RAPGEF2: variants seen among roughly 807,000 people sequenced by gnomAD.
RAPGEF2 encodes the protein Rap guanine nucleotide exchange factor 2, also known as PDZ domain containing guanine nucleotide exchange factor (GEF) 1.
In RAPGEF2, 54 loss-of-function variants were observed where a neutral mutation model predicts 186.7. The ratio of observed to expected loss-of-function variants is 0.29; its 90% CI spans 0.23 to 0.36. The LOEUF is 0.36. Ranked by LOEUF, RAPGEF2 falls within the 10% of genes least tolerant of loss-of-function variation. The pLI is 1.00. For missense variants in RAPGEF2, 1,532 were observed against 2,045.0 expected (o/e 0.75, Z 4.84); for synonymous variants, 712 against 705.9 (o/e 1.01, Z -0.14).
At chr4:159,271,296 G>T (rs767033472) in intron 7 of RAPGEF2, among the ~76,000 whole-genome samples, 2 of 152,032 alleles carry the variant, frequency 1.3e-5, no homozygotes, top group Non-Finnish European at 2.9e-5. Flanking sequence ...CTGATAACAT[G>T]GTTTTAAATT....
Position 159,238,579 on chromosome 4 carries a change from G to T in RAPGEF2, c.282-230G>T, listed in dbSNP as rs1232364363. On this transcript the variant is annotated intron_variant, in intron 4 of 29. Coordinates refer to ENST00000691494, the MANE Select transcript of RAPGEF2 (RefSeq NM_001394067.2). ...TCTCCTTTACTTACATTATTAATTT[G>T]AAAATATTATGTTAGAATTTTCCAG... is the stretch of plus-strand genomic sequence containing the variant. 2.0e-5 allele frequency among the ~76,000 whole-genome samples: 3 copies of T among 152,176 alleles called. No homozygotes were observed. The East Asian group carries it at 5.8e-4, about 29-fold the overall frequency.
intron 1 of RAPGEF2, among the ~76,000 whole-genome samples, chr4:159,154,497 C>A: frequency 7.0e-6 from 1 of 142,726 alleles, no homozygotes; most frequent in East Asian, 2.0e-4. Flanking sequence ...TCCTTCCACT[C>A]ACATCACCTT....
chr4:159,209,753 T>C (rs908960708), intron 3 of RAPGEF2, among the ~76,000 whole-genome samples: 1 of 152,262 alleles, frequency 6.6e-6, no homozygotes, highest in Non-Finnish European at 1.5e-5. Flanking sequence ...TATGTGCTCC[T>C]AGACCCAACA....
chr4:159,221,480 A>G (rs981413419), intron 4 of RAPGEF2, among the ~76,000 whole-genome samples: 2 of 152,212 alleles, frequency 1.3e-5, no homozygotes, highest in Admixed American at 6.5e-5. Flanking sequence ...AGTAGTAGTC[A>G]TGTGGCTACT....
intron 2 of RAPGEF2, among the ~76,000 whole-genome samples, chr4:159,191,894 A>T (rs960181968): frequency 6.6e-6 from 1 of 152,196 alleles, no homozygotes; most frequent in Non-Finnish European, 1.5e-5. Flanking sequence ...GTTATGTTAC[A>T]TATTAGAGGA....
chr4:159,308,578 T>G (rs1007007349), intron 8 of RAPGEF2, among the ~76,000 whole-genome samples: 2 of 152,194 alleles, frequency 1.3e-5, no homozygotes, highest in African/African-American at 4.8e-5. Flanking sequence ...CATACAGTTC[T>G]GATTTCAGAG....
intron 1 of RAPGEF2, among the ~76,000 whole-genome samples, chr4:159,153,586 TGA>T (rs1743797594): frequency 6.6e-6 from 1 of 152,218 alleles, no homozygotes; most frequent in Non-Finnish European, 1.5e-5. Flanking sequence ...CTGAACACTG[TGA>T]GAGTCTCTTA....
intron 1 of RAPGEF2, among the ~76,000 whole-genome samples, chr4:159,114,568 T>A (rs1738840595): frequency 6.6e-6 from 1 of 152,214 alleles, no homozygotes; most frequent in South Asian, 2.1e-4. Flanking sequence ...CCTTTATTCC[T>A]ACCTGAATTT....
chr4:159,268,097 G>A, intron 7 of RAPGEF2: 1 of 1,588,386 alleles, frequency 6.3e-7, no homozygotes, highest in Non-Finnish European at 8.6e-7. Context: ...AGGGTGACTT[G>A]CCATCGTGAG....
In RAPGEF2 at chr4:159,356,010, C is replaced by T. The variant is rs759364430; in HGVS notation, c.4809C>T (p.Ser1603=). 20 of 1,613,688 alleles carry T rather than the reference C, an allele frequency of 1.2e-5. No individual in the cohort carries two copies. Among genetic ancestry groups the T allele is most frequent in the East Asian group, 2.2e-5 (1 of 44,858 alleles). ...LQRSRMVARS[S]DTAGPSSVQQ... ...GATCGCGGATGGTCGCACGATCCTC[C>T]GACACAGCTGGGCCTTCATCCGTAC... is the stretch of plus-strand genomic sequence containing the variant. Residue 1603 remains serine, a synonymous_variant, in exon 29 of 30, where the codon TCC becomes TCT. Transcript: ENST00000691494.
chr4:159,197,290 C>G (rs375325552), intron 3 of RAPGEF2, among the ~76,000 whole-genome samples: 1 of 152,280 alleles, frequency 6.6e-6, no homozygotes, highest in East Asian at 1.9e-4. Flanking sequence ...AACTGATCTG[C>G]TTTAGTTGTT....
chr4:159,189,306 G>A (rs942276419), intron 2 of RAPGEF2, among the ~76,000 whole-genome samples: 4 of 152,224 alleles, frequency 2.6e-5, no homozygotes, highest in Admixed American at 6.5e-5. Context: ...TTACAGAGCA[G>A]TTAAAGTAGA....
chr4:159,337,911 A>AAAC (rs1767684642), intron 17 of RAPGEF2, among the ~76,000 whole-genome samples: 1 of 134,930 alleles, frequency 7.4e-6, no homozygotes, highest in African/African-American at 3.4e-5. Context: ...AAAAAAAAAA[A>AAAC]AAGAAAGAAA....
At chr4:159,214,390 A>G (rs901256224) in intron 4 of RAPGEF2, among the ~76,000 whole-genome samples, 2 of 152,242 alleles carry the variant, frequency 1.3e-5, no homozygotes, top group African/African-American at 4.8e-5. Flanking sequence ...GGGGCTAGAC[A>G]GCAGTAGATG....
At chr4:159,152,718 C>T (rs62337448) in intron 1 of RAPGEF2, among the ~76,000 whole-genome samples, 7,366 of 152,196 alleles carry the variant, frequency 0.048, 251 homozygotes, top group Middle Eastern at 0.071. Flanking sequence ...CCCAGGTTCA[C>T]GCCATTCTCC....
At chr4:159,316,184 A>AGCTCCCCTATGTCCC (rs2088971759) in intron 9 of RAPGEF2, among the ~76,000 whole-genome samples, 1 of 151,930 alleles carries the variant, frequency 6.6e-6, no homozygotes, top group Non-Finnish European at 1.5e-5. Context: ...GTCACTCCTC[A>AGCTCCCCTATGTCCC]CTATGTCCCC....
Position 159,329,916 on chromosome 4 carries a change from T to C in RAPGEF2, c.1208T>C (p.Met403Thr), listed in dbSNP as rs1766423726. 1 of 1,613,166 alleles carries C rather than the reference T, an allele frequency of 6.2e-7. No individual in the cohort carries two copies. The highest frequency in any genetic ancestry group is 1.3e-5 in the African/African-American group (1 of 74,762). ...CRILNQVEKN[M>T]QKVEEEGEIV... ...ATTCTCAATCAAGTAGAAAAGAACA[T>C]GCAAAAAGTTGAAGAGGAAGGAGAG... The change falls in exon 12 of 30, where the codon ATG (methionine) becomes ACG (threonine). Residue 403 changes from methionine to threonine, a missense_variant. Met to Thr is a moderately conservative substitution (Grantham distance 81). This residue lies in a region of RAPGEF2 where 810 missense variants were observed against 1,210.5 expected (regional missense o/e 0.67). Coordinates refer to ENST00000691494, the MANE Select transcript of RAPGEF2 (RefSeq NM_001394067.2).
chr4:159,143,232 C>G (rs1456255538), intron 1 of RAPGEF2, among the ~76,000 whole-genome samples: 1 of 151,940 alleles, frequency 6.6e-6, no homozygotes, highest in Non-Finnish European at 1.5e-5. Context: ...TACAGTGAGA[C>G]CACGTCTCTT....
chr4:159,340,779 C>CCACACACACACA (rs10562531), intron 19 of RAPGEF2, among the ~76,000 whole-genome samples: 3 of 106,098 alleles, frequency 2.8e-5, no homozygotes, highest in African/African-American at 1.2e-4. Flanking sequence ...ACCACCATCA[C>CCACACACACACA]CACACACACA....
Sources: allele counts gnomAD v4.1 joint callset (sites outside exome capture counted in the v4.1 genomes callset), GRCh38; gene constraint gnomAD v4.1.1; regional missense constraint gnomAD v4.1.1; transcripts MANE v1.5; gene names NCBI Gene and HGNC (gene_info 2026-07-23, HGNC 2026-07-21).